Variants in LEKR1 observed in about 807,000 individuals in gnomAD.
The protein encoded by LEKR1 is protein LEKR1.
In LEKR1, 59 loss-of-function variants were observed where a neutral mutation model predicts 72.4. The ratio of observed to expected loss-of-function variants is 0.82; its 90% CI spans 0.66 to 1.01. The LOEUF (loss-of-function observed/expected upper bound fraction) is 1.01. Among genes scored for constraint, LEKR1 ranks in the 50% least tolerant of loss-of-function variants. The probability of loss-of-function intolerance (pLI) is 0.00; values close to 1 mark genes in which losing one functional copy is unlikely to be tolerated. For missense variants in LEKR1, 728 were observed against 759.2 expected (o/e 0.96, Z 0.48); for synonymous variants, 257 against 263.2 (o/e 0.98, Z 0.23).
intron 6 of LEKR1, among the ~76,000 whole-genome samples, chr3:156,973,437 G>A (rs1437912113): frequency 1.3e-5 from 2 of 152,108 alleles, no homozygotes; most frequent in Non-Finnish European, 2.9e-5. Context: ...AGATAATGCA[G>A]CTAGAGAAAA....
Position 156,898,733 on chromosome 3 carries a change from G to C in LEKR1, c.264-21842G>C, listed in dbSNP as rs577131165. ...GAAACCATTTTTGGAATGCGATGGG[G>C]AGCTTACTGTAGAACACACTTTGAC... is the stretch of plus-strand genomic sequence containing the variant. On this transcript the variant is annotated intron_variant, in intron 3 of 12. Coordinates refer to ENST00000356539, the MANE Select transcript of LEKR1 (RefSeq NM_001004316.3). 3.9e-5 allele frequency among the ~76,000 whole-genome samples: 6 copies of C among 152,248 alleles called. No homozygotes were observed. In the East Asian group the frequency reaches 9.6e-4, roughly 24 times the overall value.
chr3:157,029,767 A>G (rs1038349261), intron 12 of LEKR1, among the ~76,000 whole-genome samples: 3 of 152,184 alleles, frequency 2.0e-5, no homozygotes, highest in African/African-American at 7.2e-5. Flanking sequence ...GCCTCAAATG[A>G]GACAGCAGTA....
At chr3:157,002,965 G>C (rs373057329) in intron 9 of LEKR1, among the ~76,000 whole-genome samples, 1 of 152,024 alleles carries the variant, frequency 6.6e-6, no homozygotes, top group Non-Finnish European at 1.5e-5. Flanking sequence ...ACTTTTTATG[G>C]TATCAAAATT....
chr3:156,901,422 A>G (rs1043848224), intron 3 of LEKR1, among the ~76,000 whole-genome samples: 6 of 152,180 alleles, frequency 3.9e-5, no homozygotes, highest in Non-Finnish European at 8.8e-5. Context: ...ACCATGAGCC[A>G]CTTGAGAACA....
chr3:156,939,218 A>G (rs1431138146), intron 5 of LEKR1, among the ~76,000 whole-genome samples: 2 of 152,166 alleles, frequency 1.3e-5, no homozygotes, highest in African/African-American at 4.8e-5. Flanking sequence ...CCCTAATCCA[A>G]TCTGACTGGT....
chr3:157,001,787 C>T (rs1732035887), intron 9 of LEKR1, among the ~76,000 whole-genome samples: 1 of 152,190 alleles, frequency 6.6e-6, no homozygotes, highest in Admixed American at 6.5e-5. Context: ...AGTCATTTAT[C>T]ACTCAGGTCT....
intron 6 of LEKR1, among the ~76,000 whole-genome samples, chr3:156,955,532 T>C (rs1216669174): frequency 3.3e-5 from 5 of 152,060 alleles, no homozygotes; most frequent in African/African-American, 1.2e-4. Flanking sequence ...AATGCATAGT[T>C]TATTGAGAGG....
chr3:156,877,489 C>A (rs1244235020), intron 3 of LEKR1, among the ~76,000 whole-genome samples: 3 of 152,026 alleles, frequency 2.0e-5, no homozygotes, highest in Non-Finnish European at 4.4e-5. Context: ...CTGTTTTAGT[C>A]TCACTGCTTG....
At chr3:156,987,342 TGATAGGTG>T (rs1336329443) in intron 7 of LEKR1, among the ~76,000 whole-genome samples, 1 of 152,002 alleles carries the variant, frequency 6.6e-6, no homozygotes, top group Non-Finnish European at 1.5e-5. Context: ...CTTCCTAGGA[TGATAGGTG>T]GCTTTAAAAA....
At chr3:156,960,258 A>C (rs1311699315) in intron 6 of LEKR1, among the ~76,000 whole-genome samples, 1 of 152,072 alleles carries the variant, frequency 6.6e-6, no homozygotes, top group Non-Finnish European at 1.5e-5. Context: ...TTCAGCTTTG[A>C]TTCAAGTATA....
chr3:156,830,096 C>T (rs1469404509), intron 2 of LEKR1, among the ~76,000 whole-genome samples: 2 of 152,016 alleles, frequency 1.3e-5, no homozygotes, highest in Non-Finnish European at 2.9e-5. Context: ...AAAAACATAA[C>T]GAAGAAGTAT....
At chr3:156,909,814 C>T (rs776840271) in intron 3 of LEKR1, among the ~76,000 whole-genome samples, 10 of 151,526 alleles carry the variant, frequency 6.6e-5, no homozygotes, top group Non-Finnish European at 1.3e-4. Flanking sequence ...TATTTTGGTG[C>T]TATGTTATTT....
intron 3 of LEKR1, among the ~76,000 whole-genome samples, chr3:156,875,717 C>T (rs754477724): frequency 9.2e-5 from 14 of 151,718 alleles, no homozygotes; most frequent in South Asian, 2.1e-4. Context: ...AGAAATGAGC[C>T]GGGCGTGGTG....
chr3:156,924,428 C>G, intron 4 of LEKR1: 7 of 561,996 alleles, frequency 1.2e-5, no homozygotes, highest in Non-Finnish European at 6.3e-6. Flanking sequence ...TTTTTATTTT[C>G]TTAATAATGT....
chr3:156,899,506 GTATA>G (rs1321125524), intron 3 of LEKR1, among the ~76,000 whole-genome samples: 4 of 73,674 alleles, frequency 5.4e-5, no homozygotes, highest in African/African-American at 2.9e-4. Context: ...ATATATACAT[GTATA>G]TATACATACA....
At chr3:156,828,475 C>T (rs1711940177) in intron 1 of LEKR1, among the ~76,000 whole-genome samples, 1 of 30,460 alleles carries the variant, frequency 3.3e-5, no homozygotes, top group African/African-American at 9.0e-5. Flanking sequence ...TCTATGCCTT[C>T]TTCCCTGCTA....
intron 6 of LEKR1, 90 bp downstream of exon 6, chr3:156,942,804 C>A (rs1311928122): frequency 3.6e-6 from 2 of 553,184 alleles, no homozygotes; most frequent in African/African-American, 4.3e-5. Flanking sequence ...ACAACAAAAT[C>A]TTGTTTTAAT....
intron 3 of LEKR1, among the ~76,000 whole-genome samples, chr3:156,866,949 A>G (rs992567203): frequency 3.3e-5 from 5 of 152,080 alleles, no homozygotes; most frequent in Admixed American, 6.6e-5. Context: ...GAGGTTTGAA[A>G]AGGATATTTC....
intron 3 of LEKR1, among the ~76,000 whole-genome samples, chr3:156,855,395 G>C (rs1015476641): frequency 6.6e-6 from 1 of 152,044 alleles, no homozygotes; most frequent in Admixed American, 6.6e-5. Flanking sequence ...TGCCAATGAA[G>C]CTGAACATTT....
Sources: allele counts gnomAD v4.1 joint callset (sites outside exome capture counted in the v4.1 genomes callset), GRCh38; gene constraint gnomAD v4.1.1; transcripts MANE v1.5; gene names NCBI Gene and HGNC (gene_info 2026-07-23, HGNC 2026-07-21).